NCAM2: variants seen among roughly 807,000 people sequenced by gnomAD.
The protein encoded by NCAM2 is neural cell adhesion molecule 2.
In NCAM2, 30 loss-of-function variants were observed where a neutral mutation model predicts 98.1. The observed-to-expected ratio is 0.31, with a 90% confidence interval of 0.23 to 0.41. The LOEUF (loss-of-function observed/expected upper bound fraction) is 0.41, where lower values mean the gene tolerates loss of function less well. NCAM2 is among the 10% of genes least tolerant of loss of function. The pLI is 1.00. For synonymous variants in NCAM2, 368 were observed against 342.4 expected (o/e 1.07, Z -0.83); for missense variants, 867 against 1,005.8 (o/e 0.86, Z 1.87).
chr21:21,415,697 G>C (rs1026927479), intron 10 of NCAM2, among the ~76,000 whole-genome samples: 1 of 152,074 alleles, frequency 6.6e-6, no homozygotes, highest in Non-Finnish European at 1.5e-5. Context: ...GCTCCACCTT[G>C]TATTTTTATG....
intron 5 of NCAM2, among the ~76,000 whole-genome samples, chr21:21,305,503 G>A (rs759194777): frequency 6.6e-5 from 10 of 151,940 alleles, no homozygotes; most frequent in Non-Finnish European, 1.2e-4. Context: ...TGGGAGACAG[G>A]GCATTCATTC....
At chr21:21,406,274 A>T (rs1253424109) in intron 9 of NCAM2, among the ~76,000 whole-genome samples, 1 of 152,236 alleles carries the variant, frequency 6.6e-6, no homozygotes, top group African/African-American at 2.4e-5. Context: ...AAAGTTATTA[A>T]GAGGGACCTG....
chr21:21,050,768 C>T (rs1037525607), intron 1 of NCAM2, among the ~76,000 whole-genome samples: 1 of 152,256 alleles, frequency 6.6e-6, no homozygotes, highest in East Asian at 1.9e-4. Context: ...TGCCTATACG[C>T]CTGCGTGATT....
intron 1 of NCAM2, among the ~76,000 whole-genome samples, chr21:21,014,644 A>G (rs1381714109): frequency 6.6e-6 from 1 of 152,194 alleles, no homozygotes; most frequent in Non-Finnish European, 1.5e-5. Flanking sequence ...GAGATTTACA[A>G]AAAGATCAAC....
At chr21:21,001,774 A>G (rs951438103) in intron 1 of NCAM2, among the ~76,000 whole-genome samples, 16 of 152,194 alleles carry the variant, frequency 1.1e-4, no homozygotes, top group Non-Finnish European at 2.1e-4. Context: ...ACCACTTAGA[A>G]CACTTACCTA....
intron 10 of NCAM2, among the ~76,000 whole-genome samples, chr21:21,411,673 A>C (rs13052486): frequency 2.0e-5 from 3 of 152,144 alleles, no homozygotes; most frequent in African/African-American, 2.4e-5. Flanking sequence ...AAAGGTTGCT[A>C]CATTTTATTC....
intron 1 of NCAM2, among the ~76,000 whole-genome samples, chr21:21,116,806 G>C (rs1456485380): frequency 6.6e-6 from 1 of 151,706 alleles, no homozygotes; most frequent in Admixed American, 6.6e-5. Context: ...AGTGAGCCGA[G>C]ATCGTGCCAC....
intron 16 of NCAM2, among the ~76,000 whole-genome samples, chr21:21,510,560 C>G (rs902125817): frequency 1.3e-5 from 2 of 149,942 alleles, no homozygotes; most frequent in African/African-American, 4.9e-5. Flanking sequence ...TTCTATGCAT[C>G]TGTTGAAGCG....
At chr21:21,331,145 T>A (rs1202015033) in intron 6 of NCAM2, among the ~76,000 whole-genome samples, 1 of 151,994 alleles carries the variant, frequency 6.6e-6, no homozygotes, top group Non-Finnish European at 1.5e-5. Flanking sequence ...TTTCTCCCTC[T>A]TGTTTTATTT....
At chr21:21,061,908 A>G (rs1297669582) in intron 1 of NCAM2, among the ~76,000 whole-genome samples, 3 of 152,222 alleles carry the variant, frequency 2.0e-5, no homozygotes, top group South Asian at 4.1e-4. Flanking sequence ...TTTCAATGCA[A>G]TAATTGTTGT....
intron 16 of NCAM2, among the ~76,000 whole-genome samples, chr21:21,523,834 G>T (rs1469990482): frequency 6.6e-6 from 1 of 151,872 alleles, no homozygotes; most frequent in Non-Finnish European, 1.5e-5. Flanking sequence ...ATGCTCAATT[G>T]AAATCGCCAA....
chr21:21,497,117 C>G (rs1987296305), intron 15 of NCAM2, among the ~76,000 whole-genome samples: 1 of 152,046 alleles, frequency 6.6e-6, no homozygotes, highest in Non-Finnish European at 1.5e-5. Flanking sequence ...CAACAGAAAA[C>G]AAAATATCAC....
intron 6 of NCAM2, among the ~76,000 whole-genome samples, chr21:21,330,070 G>T (rs1175906785): frequency 1.3e-5 from 2 of 151,872 alleles, no homozygotes; most frequent in East Asian, 3.9e-4. Context: ...CTAGATGTAG[G>T]TCTATGCACA....
At chr21:21,118,661 C>T (rs751348059) in intron 1 of NCAM2, among the ~76,000 whole-genome samples, 8 of 152,050 alleles carry the variant, frequency 5.3e-5, no homozygotes, top group Non-Finnish European at 1.2e-4. Context: ...TTACTTCCTT[C>T]TAATTTCACT....
intron 1 of NCAM2, among the ~76,000 whole-genome samples, chr21:21,275,163 G>A (rs1044368146): frequency 5.9e-5 from 9 of 151,960 alleles, no homozygotes; most frequent in Non-Finnish European, 7.4e-5. Flanking sequence ...AATTTGGACC[G>A]GGCGCGGTGG....
chr21:21,400,548 C>A (rs2076605349), intron 9 of NCAM2, among the ~76,000 whole-genome samples: 1 of 151,290 alleles, frequency 6.6e-6, no homozygotes, highest in African/African-American at 2.4e-5. Flanking sequence ...CATGTAGTCT[C>A]TTTTTGTCTG....
intron 1 of NCAM2, among the ~76,000 whole-genome samples, chr21:21,015,292 A>G (rs949072902): frequency 6.6e-6 from 1 of 152,214 alleles, no homozygotes. Flanking sequence ...GCTACAGAGA[A>G]GTACGTTAGG....
chr21:21,511,586 T>A (rs552872038), intron 16 of NCAM2, among the ~76,000 whole-genome samples: 30 of 152,052 alleles, frequency 2.0e-4, no homozygotes, highest in African/African-American at 4.1e-4. Flanking sequence ...TTGATTTTTT[T>A]AAAAATTTTT....
At chr21:21,151,214 T>A (rs373892754) in intron 1 of NCAM2, among the ~76,000 whole-genome samples, 5 of 152,040 alleles carry the variant, frequency 3.3e-5, no homozygotes, top group East Asian at 3.9e-4. Flanking sequence ...TTAGTCATAT[T>A]ACACTTTAGA....
Sources: allele counts gnomAD v4.1 joint callset (sites outside exome capture counted in the v4.1 genomes callset), GRCh38; gene constraint gnomAD v4.1.1; transcripts MANE v1.5; gene names NCBI Gene and HGNC (gene_info 2026-07-23, HGNC 2026-07-21).